Variants in FAM174B observed in about 807,000 individuals in gnomAD.
The protein encoded by FAM174B is membrane protein FAM174B.
Under a neutral mutation model 10.9 loss-of-function variants are expected in FAM174B, and 12 were observed. The observed-to-expected ratio is 1.10, with a 90% CI of 0.71 to 1.79. FAM174B has a LOEUF of 1.79. Ranked by LOEUF, FAM174B falls within the 40% of genes most tolerant of loss-of-function variation. FAM174B has a pLI of 0.00. For synonymous variants in FAM174B, 132 were observed against 115.8 expected (o/e 1.14, Z -0.90); for missense variants, 266 against 233.3 (o/e 1.14, Z -0.91).
At position 92,619,340 on chromosome 15, in the gene FAM174B, C is replaced by T. The variant is rs770592907; in HGVS notation, c.*116G>A. 8.9e-5 allele frequency: 102 copies of T among 1,143,384 alleles called. No homozygotes were observed. The South Asian group carries it at 1.2e-3, about 13-fold the overall frequency. 70.8% of individuals were successfully genotyped at this position (1,143,384 alleles called of 1,614,324 possible). On this transcript the variant is annotated 3_prime_UTR_variant, in exon 3 of 3. Transcript: ENST00000327355. ...GATGGAGCTGGGGTTTTATACATAACGTTCGTTTTGGTTTCAACACCTCCG... is the reference window on the plus strand; with the variant it reads ...GATGGAGCTGGGGTTTTATACATAATGTTCGTTTTGGTTTCAACACCTCCG...
In FAM174B at chr15:92,630,971, C is replaced by T. The variant is rs1408076339; in HGVS notation, c.345-626G>A. On this transcript the variant is annotated intron_variant, in intron 1 of 2. Transcript: ENST00000327355. ...ATTATATATTACGTATTACATATTA[C>T]ATATTATATATTATATATTACGTAT... Among the ~76,000 whole-genome samples the T allele has an allele frequency of 6.2e-3, 17 of 2,738 alleles. 2 individuals are homozygous for T. The highest frequency in any genetic ancestry group is 5.5e-3 in the Non-Finnish European group (9 of 1,638). 1.8% of individuals were successfully genotyped at this position (2,738 alleles called of 152,430 possible). A position where few individuals can be genotyped will look rare whatever the true frequency, so the allele number is the denominator to read the frequency against.
At chr15:92,636,045 G>A (rs2050853980) in intron 1 of FAM174B, among the ~76,000 whole-genome samples, 2 of 152,190 alleles carry the variant, frequency 1.3e-5, no homozygotes, top group Non-Finnish European at 2.9e-5. Context: ...CTCAGAGAGA[G>A]AGAAAACGTG....
Position 92,617,697 on chromosome 15 carries a change from G to A in FAM174B, c.*1759C>T, listed in dbSNP as rs1214055373. ...TGAGGGGGCGAACAGCTGCGAGGTG[G>A]CCAGGCTCCCGTGAGTCACCACTCA... On this transcript the variant is annotated 3_prime_UTR_variant, in exon 3 of 3. Coordinates refer to ENST00000327355, the MANE Select transcript of FAM174B (RefSeq NM_207446.3). 1 of 680,560 alleles carries A rather than the reference G, an allele frequency of 1.5e-6. No individual in the cohort carries two copies. The highest frequency in any genetic ancestry group is 2.7e-6 in the Non-Finnish European group (1 of 376,882). The allele number at this position is 680,560 out of a possible 1,614,324, so 42.2% of individuals were successfully genotyped here.
Position 92,642,939 on chromosome 15 carries a change from T to G in FAM174B, c.344+12377A>C, listed in dbSNP as rs114776133. On this transcript the variant is annotated intron_variant, in intron 1 of 2. Transcript: ENST00000327355. Reference sequence around the variant, plus strand: ...TAAGCTATTCACAAAAGACCACACATTGTATGGTCCCATGTATATGAAAGA... The same window carrying G: ...TAAGCTATTCACAAAAGACCACACAGTGTATGGTCCCATGTATATGAAAGA... Among the ~76,000 whole-genome samples, 572 of 152,240 alleles carry G rather than the reference T, an allele frequency of 3.8e-3. 3 individuals are homozygous for G. The highest frequency in any genetic ancestry group is 0.013 in the African/African-American group (544 of 41,520).
At chr15:92,621,826 C>T (rs555167831) in intron 2 of FAM174B, among the ~76,000 whole-genome samples, 2 of 152,190 alleles carry the variant, frequency 1.3e-5, no homozygotes, top group African/African-American at 4.8e-5. Context: ...TCACACCCCC[C>T]ACTGCAAAGA....
chr15:92,628,126 T>C (rs779962890), intron 2 of FAM174B, among the ~76,000 whole-genome samples: 15 of 152,184 alleles, frequency 9.9e-5, no homozygotes, highest in East Asian at 5.8e-4. Flanking sequence ...TGTATTGTCT[T>C]TTGGATTTGT....
At chr15:92,633,677 C>T (rs1265694887) in intron 1 of FAM174B, among the ~76,000 whole-genome samples, 1 of 152,168 alleles carries the variant, frequency 6.6e-6, no homozygotes, top group Non-Finnish European at 1.5e-5. Context: ...CAAAGGGGCA[C>T]ACTGCCAGTC....
In FAM174B at chr15:92,655,578, T is replaced by G; in HGVS notation, c.82A>C (p.Arg28=). 2 of 1,321,268 alleles carry G rather than the reference T, an allele frequency of 1.5e-6. No individual in the cohort carries two copies. Among genetic ancestry groups the G allele is most frequent in the African/African-American group, 3.1e-5 (2 of 64,624 alleles). 81.8% of individuals were successfully genotyped at this position (1,321,268 alleles called of 1,614,324 possible). Residue 28 remains arginine (R), a synonymous_variant, in exon 1 of 3, where the codon AGA becomes CGA. Transcript: ENST00000327355. Reference sequence around the variant, plus strand: ...CACGGCGCGGAGACGGACTCGGCTCTGCTGGCGCGGGCGGCGGGAGCGGCC... The same window carrying G: ...CACGGCGCGGAGACGGACTCGGCTCGGCTGGCGCGGGCGGCGGGAGCGGCC... The part of the protein sequence containing the change: ...LLAAPAARAS[R]AESVSAPWPE...
At chr15:92,639,300 CAGA>C (rs1173159211) in intron 1 of FAM174B, 1 of 152,218 alleles carries the variant, frequency 6.6e-6, no homozygotes, top group Non-Finnish European at 1.5e-5. Flanking sequence ...CTTGTGTCAA[CAGA>C]AGGAGGGCAC....
At chr15:92,637,812 C>G (rs1163867068) in intron 1 of FAM174B, among the ~76,000 whole-genome samples, 1 of 152,212 alleles carries the variant, frequency 6.6e-6, no homozygotes, top group Non-Finnish European at 1.5e-5. Flanking sequence ...TCCCCTGGGT[C>G]CATTCGTGGG....
chr15:92,637,146 C>T (rs939293440), intron 1 of FAM174B, among the ~76,000 whole-genome samples: 2 of 152,200 alleles, frequency 1.3e-5, no homozygotes, highest in Non-Finnish European at 2.9e-5. Flanking sequence ...TGCTACCCCC[C>T]AGGCCATGGC....
Position 92,618,949 on chromosome 15 carries a change from C to T in FAM174B, c.*507G>A, listed in dbSNP as rs1337893680. 3 of 553,968 alleles carry T rather than the reference C, an allele frequency of 5.4e-6. No individual in the cohort carries two copies. The highest frequency in any genetic ancestry group is 3.2e-6 in the Non-Finnish European group (1 of 311,382). The allele number at this position is 553,968 out of a possible 1,614,324, so 34.3% of individuals were successfully genotyped here. ...CCTTGAACTCTGACACAGGTAACGC[C>T]AAAATGAGGCCAGGACCTGACCAAG... is the stretch of plus-strand genomic sequence containing the variant. On this transcript the variant is annotated 3_prime_UTR_variant, in exon 3 of 3. Coordinates refer to ENST00000327355, the MANE Select transcript of FAM174B (RefSeq NM_207446.3).
intron 2 of FAM174B, among the ~76,000 whole-genome samples, chr15:92,626,478 AAG>A (rs1434530329): frequency 6.6e-6 from 1 of 152,216 alleles, no homozygotes; most frequent in African/African-American, 2.4e-5. Flanking sequence ...AATATTTTTT[AAG>A]AGACATCAAA....
chr15:92,639,439 C>G (rs546725466), intron 1 of FAM174B, among the ~76,000 whole-genome samples: 146 of 152,264 alleles, frequency 9.6e-4, no homozygotes, highest in Non-Finnish European at 1.7e-3. Flanking sequence ...TGAGCTGATT[C>G]CAAAATTCAT....
chr15:92,648,028 C>T (rs2050939940), intron 1 of FAM174B, among the ~76,000 whole-genome samples: 1 of 152,196 alleles, frequency 6.6e-6, no homozygotes, highest in Admixed American at 6.5e-5. Context: ...CTCTTTCAAG[C>T]AACTGCCAAT....
In FAM174B at chr15:92,655,378, G is replaced by T. The variant is rs2050995840; in HGVS notation, c.282C>A (p.Ala94=). Reference sequence around the variant, plus strand: ...TGGTAAAGGCGAACGCCACGATCACGGCTGCCTTGAGGGTGGGTAGGTCGC... The same window carrying T: ...TGGTAAAGGCGAACGCCACGATCACTGCTGCCTTGAGGGTGGGTAGGTCGC... ...LLRDLPTLKA[A]VIVAFAFTTL... The change falls in exon 1 of 3, where the codon GCC becomes GCA. Residue 94 remains alanine (A), a synonymous_variant. Coordinates refer to ENST00000327355, the MANE Select transcript of FAM174B (RefSeq NM_207446.3). 1 of 1,592,890 alleles carries T rather than the reference G, an allele frequency of 6.3e-7. No individual in the cohort carries two copies. Among genetic ancestry groups the T allele is most frequent in the East Asian group, 2.4e-5 (1 of 41,772 alleles).
intron 1 of FAM174B, among the ~76,000 whole-genome samples, chr15:92,649,431 T>C (rs1233435424): frequency 2.0e-5 from 3 of 152,262 alleles, no homozygotes; most frequent in African/African-American, 4.8e-5. Context: ...TGTGGCCATA[T>C]GGCTGCATCC....
intron 2 of FAM174B, among the ~76,000 whole-genome samples, chr15:92,629,249 G>A (rs1454102834): frequency 1.3e-5 from 2 of 152,088 alleles, no homozygotes; most frequent in Admixed American, 6.5e-5. Flanking sequence ...CTGGGTCTTC[G>A]AGCCCTCGTC....
intron 1 of FAM174B, among the ~76,000 whole-genome samples, chr15:92,637,254 C>T (rs1163074278): frequency 6.6e-6 from 1 of 152,258 alleles, no homozygotes; most frequent in Non-Finnish European, 1.5e-5. Context: ...GTGGGTGTCC[C>T]TCCCACTGGC....
Sources: gnomAD v4.1 joint callset for allele counts (sites outside exome capture counted in the v4.1 genomes callset) on GRCh38, gnomAD v4.1.1 for gene constraint, MANE v1.5 for transcripts, NCBI Gene and HGNC (gene_info 2026-07-23, HGNC 2026-07-21) for gene names.